KCNE3: variants seen among roughly 807,000 people sequenced by gnomAD.
The protein encoded by KCNE3 is potassium voltage-gated channel subfamily E member 3.
Under a neutral mutation model 4.3 loss-of-function variants are expected in KCNE3, and 2 were observed. The observed-to-expected ratio is 0.47, with a 90% CI of 0.19 to 1.48. The LOEUF (loss-of-function observed/expected upper bound fraction) is 1.48. KCNE3 is among the 40% of genes most tolerant of loss of function. The pLI, the probability that KCNE3 is intolerant of heterozygous loss-of-function variation, is 0.25. For synonymous variants in KCNE3, 47 were observed against 52.0 expected (o/e 0.90, Z 0.41); for missense variants, 128 against 136.8 (o/e 0.94, Z 0.32).
intron 1 of KCNE3, chr11:74,462,996 G>A (rs1285868454): frequency 6.6e-6 from 1 of 152,216 alleles, no homozygotes; most frequent in East Asian, 1.9e-4. Flanking sequence ...CAAATCCCAA[G>A]ATAGAGAAGG....
Position 74,456,748 on chromosome 11 carries a change from G to A in KCNE3, c.*504C>T. ...TGGGTTCCAATCATGGCACTATGCA[G>A]GCCCAAATGGGCAGCACAGCACTTG... On this transcript the variant is annotated 3_prime_UTR_variant, in exon 3 of 3. Coordinates refer to ENST00000310128, the MANE Select transcript of KCNE3 (RefSeq NM_005472.5). 1 of 189,430 alleles carries A rather than the reference G, an allele frequency of 5.3e-6. No individual in the cohort carries two copies. The highest frequency in any genetic ancestry group is 9.9e-5 in the South Asian group (1 of 10,102). The allele number at this position is 189,430 out of a possible 1,614,324, so 11.7% of individuals were successfully genotyped here.
At chr11:74,464,985 G>A (rs559134871) in intron 1 of KCNE3, among the ~76,000 whole-genome samples, 7 of 152,272 alleles carry the variant, frequency 4.6e-5, no homozygotes, top group African/African-American at 1.7e-4. Flanking sequence ...CATCTCTGCA[G>A]ACCTTCTCCT....
chr11:74,466,042 T>C (rs567332234), intron 1 of KCNE3, among the ~76,000 whole-genome samples: 1 of 151,496 alleles, frequency 6.6e-6, no homozygotes, highest in Non-Finnish European at 1.5e-5. Flanking sequence ...TCTATGATCA[T>C]TCCCGCAGTC....
At chr11:74,461,054 A>G (rs1367084989) in intron 2 of KCNE3, among the ~76,000 whole-genome samples, 1 of 152,176 alleles carries the variant, frequency 6.6e-6, no homozygotes, top group Non-Finnish European at 1.5e-5. Context: ...TAGACAACAA[A>G]CAAACAGTGT....
chr11:74,461,653 C>A (rs192346792), intron 2 of KCNE3, among the ~76,000 whole-genome samples: 1,556 of 151,964 alleles, frequency 0.01, 6 homozygotes, highest in Non-Finnish European at 0.017. Flanking sequence ...AAACAAAAAA[C>A]CCCACAAAGA....
At chr11:74,459,774 C>T (rs1863910165) in intron 2 of KCNE3, among the ~76,000 whole-genome samples, 1 of 152,150 alleles carries the variant, frequency 6.6e-6, no homozygotes, top group Non-Finnish European at 1.5e-5. Context: ...AGGATATCAT[C>T]AGACCACATG....
At position 74,460,089 on chromosome 11, in the gene KCNE3, A is replaced by G. The variant is rs150250415; in HGVS notation, c.-41+1866T>C. Among the ~76,000 whole-genome samples the G allele has an allele frequency of 6.8e-3, 1,029 of 152,316 alleles. 9 individuals are homozygous for G. The highest frequency in any genetic ancestry group is 0.023 in the African/African-American group (961 of 41,552). Reference sequence around the variant, plus strand: ...TTCTGACTATGAAAAATATTCATCAATGGCTCTATGAACACAATCAGCCAG... The same window carrying G: ...TTCTGACTATGAAAAATATTCATCAGTGGCTCTATGAACACAATCAGCCAG... On this transcript the variant is annotated intron_variant, in intron 2 of 2. Transcript: ENST00000310128.
rs1285736160 is a variant in KCNE3, at chr11:74,463,542, A to G, written c.-189-1439T>C. On this transcript the variant is annotated intron_variant, in intron 1 of 2. Transcript: ENST00000310128. ...GCTTCCCTGTCCAGGAGAGTCCCTG[A>G]TTACTGAGATCCTTGGATGGGGGAG... Among the ~76,000 whole-genome samples, 5 of 152,086 alleles carry G rather than the reference A, an allele frequency of 3.3e-5. No homozygotes were observed. In the East Asian group the frequency reaches 9.6e-4, roughly 29 times the overall value.
intron 1 of KCNE3, among the ~76,000 whole-genome samples, chr11:74,463,853 C>G (rs1345567488): frequency 6.6e-6 from 1 of 152,158 alleles, no homozygotes; most frequent in African/African-American, 2.4e-5. Flanking sequence ...TTCCTCACAC[C>G]TAAGCTTCAC....
intron 1 of KCNE3, among the ~76,000 whole-genome samples, chr11:74,464,794 T>A (rs1864025907): frequency 6.6e-6 from 1 of 152,156 alleles, no homozygotes; most frequent in Non-Finnish European, 1.5e-5. Context: ...TGGCCTCATC[T>A]CCCCACAGCT....
rs1863776889 is a variant in KCNE3, at chr11:74,454,949, G to A, written c.*2303C>T. ...CCATATGTCACATCTCCTTAAGGAA[G>A]TCTCCACCTTCTCCCTCAAGAAGAG... On this transcript the variant is annotated 3_prime_UTR_variant, in exon 3 of 3. Coordinates refer to ENST00000310128, the MANE Select transcript of KCNE3 (RefSeq NM_005472.5). 2 of 152,166 alleles carry A rather than the reference G, an allele frequency of 1.3e-5. No individual in the cohort carries two copies. The highest frequency in any genetic ancestry group is 2.9e-5 in the Non-Finnish European group (2 of 68,040). The allele number at this position is 152,166 out of a possible 1,614,324, so 9.4% of individuals were successfully genotyped here. A position where few individuals can be genotyped will look rare whatever the true frequency, so the allele number is the denominator to read the frequency against.
At chr11:74,459,863 A>AC (rs1327768172) in intron 2 of KCNE3, among the ~76,000 whole-genome samples, 2 of 152,140 alleles carry the variant, frequency 1.3e-5, no homozygotes, top group Non-Finnish European at 2.9e-5. Context: ...TTCCCAGGGC[A>AC]CTACCTTGAG....
At chr11:74,461,318 G>A (rs1863948683) in intron 2 of KCNE3, among the ~76,000 whole-genome samples, 1 of 150,732 alleles carries the variant, frequency 6.6e-6, no homozygotes, top group Non-Finnish European at 1.5e-5. Context: ...GTGTGTGTGT[G>A]TGTGTGTTTT....
chr11:74,457,142 G>C lies in KCNE3; in HGVS notation c.*110C>G. ...ACCTCCCTTAACCGTGTTTCTTGTT[G>C]ATCTTACAGATAGGGACACTGAGAC... On this transcript the variant is annotated 3_prime_UTR_variant, in exon 3 of 3. Transcript: ENST00000310128. 1 of 1,077,764 alleles carries C rather than the reference G, an allele frequency of 9.3e-7. No individual in the cohort carries two copies. Among genetic ancestry groups the C allele is most frequent in the Non-Finnish European group, 1.4e-6 (1 of 716,898 alleles). The allele number at this position is 1,077,764 out of a possible 1,614,324, so 66.8% of individuals were successfully genotyped here. A position where few individuals can be genotyped will look rare whatever the true frequency, so the allele number is the denominator to read the frequency against.
chr11:74,456,136 GA>G lies in KCNE3; in HGVS notation c.*1115del, dbSNP rs1163209278. 2.8e-5 allele frequency: 3 copies of G among 107,678 alleles called. No homozygotes were observed. Among genetic ancestry groups the G allele is most frequent in the Non-Finnish European group, 4.1e-5 (2 of 49,034 alleles). The allele number at this position is 107,678 out of a possible 1,614,324, so 6.7% of individuals were successfully genotyped here. On this transcript the variant is annotated 3_prime_UTR_variant, in exon 3 of 3. Transcript: ENST00000310128. ...TTCGAGACCAGCCTGGGCAACATGT[GA>G]AACCCTGTCTCTACTTAAATATATA...
rs1468554775 is a variant in KCNE3 at position 74,455,312 on chromosome 11, C to T, written c.*1940G>A. 6.6e-6 allele frequency: 1 copy of T among 152,170 alleles called. No homozygotes were observed. Among genetic ancestry groups the T allele is most frequent in the Non-Finnish European group, 1.5e-5 (1 of 68,034 alleles). The allele number at this position is 152,170 out of a possible 1,614,324, so 9.4% of individuals were successfully genotyped here. A position where few individuals can be genotyped will look rare whatever the true frequency, so the allele number is the denominator to read the frequency against. ...TACTTCCAGGGACCGCATGGAGATC[C>T]CTTAAGTTGAAACTGGACAAACAGA... On this transcript the variant is annotated 3_prime_UTR_variant, in exon 3 of 3. Transcript: ENST00000310128.
intron 1 of KCNE3, among the ~76,000 whole-genome samples, chr11:74,466,823 C>T (rs1864066881): frequency 2.0e-5 from 3 of 152,292 alleles, no homozygotes; most frequent in African/African-American, 7.2e-5. Context: ...CCCGGGTTTA[C>T]ACAGCCTGTA....
intron 1 of KCNE3, among the ~76,000 whole-genome samples, chr11:74,465,921 C>A (rs1055156640): frequency 2.0e-5 from 3 of 152,186 alleles, no homozygotes; most frequent in African/African-American, 7.2e-5. Context: ...ATCTCTGTGT[C>A]TCCTTTCCCA....
In KCNE3 at chr11:74,461,265, A is replaced by G. The variant is rs549816988; in HGVS notation, c.-41+690T>C. 4.0e-5 allele frequency among the ~76,000 whole-genome samples: 6 copies of G among 151,070 alleles called. No individual in the cohort carries two copies. In the East Asian group the frequency reaches 1.2e-3, roughly 30 times the overall value. ...AACACTACTGAGTGTACACTCAAGA[A>G]TGACTAAGATGGTATATTTTTATGT... On this transcript the variant is annotated intron_variant, in intron 2 of 2. Transcript: ENST00000310128.
Sources: gnomAD v4.1 joint callset for allele counts (sites outside exome capture counted in the v4.1 genomes callset) on GRCh38, gnomAD v4.1.1 for gene constraint, MANE v1.5 for transcripts, NCBI Gene and HGNC (gene_info 2026-07-23, HGNC 2026-07-21) for gene names.